Variants in PTGR1 observed in about 807,000 individuals in gnomAD.
The protein encoded by PTGR1 is 15-oxoprostaglandin 13-reductase.
PTGR1 carries 23 observed loss-of-function variants against 37.7 expected under a neutral mutation model. That is an observed-to-expected ratio of 0.61 (90% CI 0.44 to 0.86). The LOEUF is 0.86. Among genes scored for constraint, PTGR1 ranks in the 40% least tolerant of loss-of-function variants. PTGR1 has a pLI of 0.00. For missense variants in PTGR1, 351 were observed against 394.3 expected (o/e 0.89, Z 0.93); for synonymous variants, 134 against 140.0 (o/e 0.96, Z 0.30).
chr9:111,578,547 A>G (rs530515913), intron 7 of PTGR1, among the ~76,000 whole-genome samples: 6 of 152,260 alleles, frequency 3.9e-5, no homozygotes, highest in Non-Finnish European at 8.8e-5. Flanking sequence ...CAGGGTTTAC[A>G]CTTCTATGGG....
At chr9:111,591,154 G>A (rs1469131517) in intron 4 of PTGR1, among the ~76,000 whole-genome samples, 4 of 151,642 alleles carry the variant, frequency 2.6e-5, no homozygotes, top group Admixed American at 1.3e-4. Context: ...AGCCGGGTGC[G>A]GTGGTGCATG....
At position 111,598,450 on chromosome 9, in the gene PTGR1, G is replaced by A. The variant is rs137964649; in HGVS notation, c.-10-1018C>T. On this transcript the variant is annotated intron_variant, in intron 1 of 9. Coordinates refer to ENST00000407693, the MANE Select transcript of PTGR1 (RefSeq NM_001146108.2). Reference sequence around the variant, plus strand: ...CCCGCATTGCGAGGGAGCCAGGGGGGCGGTCTGATCTGCAGCCCGGGGTTG... The same window carrying A: ...CCCGCATTGCGAGGGAGCCAGGGGGACGGTCTGATCTGCAGCCCGGGGTTG... Among the ~76,000 whole-genome samples the A allele has an allele frequency of 3.5e-3, 528 of 152,294 alleles. 6 individuals are homozygous for A. Among genetic ancestry groups the A allele is most frequent in the African/African-American group, 0.012 (511 of 41,564 alleles).
chr9:111,583,632 T>C, intron 5 of PTGR1, 43 bp from the exon 6 acceptor site: 1 of 1,460,750 alleles, frequency 6.8e-7, no homozygotes, highest in Non-Finnish European at 9.6e-7. Flanking sequence ...AGTTGTTTCT[T>C]TCCTCTATAA....
downstream of PTGR1, among the ~76,000 whole-genome samples, chr9:111,559,562 CCTT>C (rs1295812314): frequency 2.0e-5 from 3 of 152,050 alleles, no homozygotes; most frequent in African/African-American, 4.8e-5. Context: ...CCCAACCCCT[CCTT>C]CTTCCTGCTC....
intron 4 of PTGR1, chr9:111,589,419 AT>A: frequency 1.1e-6 from 1 of 879,074 alleles, no homozygotes; most frequent in Non-Finnish European, 1.4e-6. Flanking sequence ...AAAATAAAGA[AT>A]GAGATGTTTG....
chr9:111,559,095 G>A (rs1228616701), downstream of PTGR1, among the ~76,000 whole-genome samples: 1 of 152,030 alleles, frequency 6.6e-6, no homozygotes, highest in Non-Finnish European at 1.5e-5. Flanking sequence ...CCAGGTAGAA[G>A]CTCCCCTCAG....
At chr9:111,560,972 TATAGAGAGAG>T (rs1474738946), downstream of PTGR1, among the ~76,000 whole-genome samples, 18 of 21,320 alleles carry the variant, frequency 8.4e-4, 1 homozygote, top group East Asian at 1.4e-3. Flanking sequence ...TATATATATA[TATAGAGAGAG>T]AGAGAGAGAG....
chr9:111,553,987 G>C (rs1324950366), intron 9 of PTGR1, among the ~76,000 whole-genome samples: 1 of 152,220 alleles, frequency 6.6e-6, no homozygotes, highest in Non-Finnish European at 1.5e-5. Flanking sequence ...GCAGGGAAAG[G>C]AAGAACTGGA....
intron 2 of PTGR1, 97 bp from the exon 3 acceptor site, chr9:111,594,364 C>T: frequency 8.7e-7 from 1 of 1,152,318 alleles, no homozygotes; most frequent in Non-Finnish European, 1.3e-6. Context: ...GAGACAGGGA[C>T]AAGGGTTGAG....
At chr9:111,554,743 T>C (rs1288280233) in intron 9 of PTGR1, among the ~76,000 whole-genome samples, 3 of 152,208 alleles carry the variant, frequency 2.0e-5, no homozygotes, top group Non-Finnish European at 4.4e-5. Flanking sequence ...TGGAATTTTC[T>C]ATTTAAAATT....
chr9:111,590,311 TG>T (rs1564621791), intron 4 of PTGR1, among the ~76,000 whole-genome samples: 1 of 152,112 alleles, frequency 6.6e-6, no homozygotes, highest in African/African-American at 2.4e-5. Flanking sequence ...AGACTGATGA[TG>T]AACAGTATAA....
chr9:111,574,810 G>A lies in PTGR1; in HGVS notation c.684C>T (p.Gly228=). 1.2e-6 allele frequency: 2 copies of A among 1,613,610 alleles called. No homozygotes were observed. The highest frequency in any genetic ancestry group is 1.7e-6 in the Non-Finnish European group (2 of 1,179,762). Residue 228 remains glycine, a synonymous_variant, in exon 8 of 10, where the codon GGC becomes GGT. Coordinates refer to ENST00000407693, the MANE Select transcript of PTGR1 (RefSeq NM_001146108.2). ...CAATCCTTCCAAATTTCTTCATCTGGCCGATAACAGTGTTTGAAAACTCTC... is the reference window on the plus strand; with the variant it reads ...CAATCCTTCCAAATTTCTTCATCTGACCGATAACAGTGTTTGAAAACTCTC... ...VGGEFSNTVI[G]QMKKFGRIAI...
intron 9 of PTGR1, 90 bp from the exon 10 acceptor site, chr9:111,563,321 A>AGG: frequency 7.8e-7 from 1 of 1,277,248 alleles, no homozygotes. Flanking sequence ...TATCAGGTAC[A>AGG]TCATTGGAAA....
In PTGR1 at chr9:111,570,142, T is replaced by C. The variant is rs138345034; in HGVS notation, c.828A>G (p.Gln276=). The change falls in exon 9 of 10, where the codon CAA becomes CAG. Residue 276 remains glutamine (Q), a synonymous_variant. Transcript: ENST00000407693. ...TCAGAGCTTTTTGGCGGGCATCTCC[T>C]TGCCAGCGGTAGACGACAAAAGCTT... ...RMEAFVVYRW[Q]GDARQKALKD... The C allele has an allele frequency of 4.3e-6, 7 of 1,613,990 alleles. No homozygotes were observed. The African/African-American group carries it at 9.3e-5, about 22-fold the overall frequency.
In PTGR1 at chr9:111,594,227, G is replaced by A. The variant is rs1182361664; in HGVS notation, c.147C>T (p.Tyr49=). 1.2e-6 allele frequency: 2 copies of A among 1,612,842 alleles called. No homozygotes were observed. Among genetic ancestry groups the A allele is most frequent in the Non-Finnish European group, 1.7e-6 (2 of 1,178,988 alleles). The change falls in exon 3 of 10, where the codon TAC becomes TAT. Residue 49 remains tyrosine, a synonymous_variant. Coordinates refer to ENST00000407693, the MANE Select transcript of PTGR1 (RefSeq NM_001146108.2). ...AGGGGCGAAATAAATAATACCTCAT[G>A]TAGGGATCCACGGTGAGGAACAAAG... ...LEALFLTVDP[Y]MRVAAKRLKE...
At chr9:111,577,533 T>C (rs1829111862) in intron 7 of PTGR1, 1 of 152,188 alleles carries the variant, frequency 6.6e-6, no homozygotes, top group South Asian at 2.1e-4. Flanking sequence ...TTATACTTCA[T>C]AGCCAGAAAG....
rs1390182062 is a variant in PTGR1 at position 111,563,083 on chromosome 9, T to C, written c.*38A>G. The C allele has an allele frequency of 1.2e-6, 2 of 1,602,512 alleles. No individual in the cohort carries two copies. Among genetic ancestry groups the C allele is most frequent in the Non-Finnish European group, 1.7e-6 (2 of 1,175,674 alleles). On this transcript the variant is annotated 3_prime_UTR_variant, in exon 10 of 10. Transcript: ENST00000407693. ...AAATGGTGAAAAACAAATTAACTAA[T>C]CATCTAAATGGCCTCCAGATTCCAT... is the stretch of plus-strand genomic sequence containing the variant.
At chr9:111,559,968 T>G (rs1456910359), downstream of PTGR1, among the ~76,000 whole-genome samples, 2 of 152,236 alleles carry the variant, frequency 1.3e-5, no homozygotes, top group Admixed American at 6.5e-5. Flanking sequence ...TGTTTCATTG[T>G]ACTACAATTT....
At chr9:111,553,018 A>G (rs1393888689) in intron 9 of PTGR1, among the ~76,000 whole-genome samples, 1 of 152,234 alleles carries the variant, frequency 6.6e-6, no homozygotes, top group Admixed American at 6.5e-5. Flanking sequence ...CCAGGTTTAC[A>G]AACTCAGACC....
Sources: gnomAD v4.1 joint callset for allele counts (sites outside exome capture counted in the v4.1 genomes callset) on GRCh38, gnomAD v4.1.1 for gene constraint, MANE v1.5 for transcripts, NCBI Gene and HGNC (gene_info 2026-07-23, HGNC 2026-07-21) for gene names.